The following LRRK2 variants were observed in gnomAD, a reference collection of about 807,000 sequenced individuals.
The protein encoded by LRRK2 is leucine-rich repeat serine/threonine-protein kinase 2.
In LRRK2, 203 loss-of-function variants were observed where a neutral mutation model predicts 302.6. That is an observed-to-expected ratio of 0.67 (90% CI 0.60 to 0.75). The LOEUF is 0.75. Ranked by LOEUF, LRRK2 falls within the 30% of genes least tolerant of loss-of-function variation. The pLI is 0.00. For synonymous variants in LRRK2, 1,066 were observed against 1,031.9 expected, an observed-to-expected ratio of 1.03 and a Z score of -0.63; for missense variants, 2,830 against 2,951.0, an observed-to-expected ratio of 0.96 and a Z score of 0.95.
chr12:40,237,821 A>G, intron 4 of LRRK2, 148 bp from the exon 5 acceptor site: 2 of 758,202 alleles, frequency 2.6e-6, no homozygotes, highest in Non-Finnish European at 4.2e-6. Flanking sequence ...TAAGTAGTTT[A>G]TCAACAAACA....
At chr12:40,243,002 G>A (rs1445945314) in intron 6 of LRRK2, among the ~76,000 whole-genome samples, 1 of 150,644 alleles carries the variant, frequency 6.6e-6, no homozygotes, top group Non-Finnish European at 1.5e-5. Flanking sequence ...ATTAAAATAT[G>A]TTACATTATT....
intron 39 of LRRK2, 21 bp from the exon 40 acceptor site, chr12:40,334,946 C>G: frequency 6.2e-7 from 1 of 1,613,152 alleles, no homozygotes; most frequent in Non-Finnish European, 8.5e-7. Context: ...ATTACTCTTA[C>G]ATGATTTTGG....
chr12:40,245,866 T>C (rs1941956281), intron 7 of LRRK2, among the ~76,000 whole-genome samples: 1 of 152,078 alleles, frequency 6.6e-6, no homozygotes, highest in African/African-American at 2.4e-5. Context: ...GCACTTAAGT[T>C]CTCTACCTAG....
Position 40,274,862 on chromosome 12 carries a change from TGTCTGGGTTTAA to T in LRRK2, c.1815_1826del (p.Gly606_Leu609del). ...TTTTTTTATTTTCCTAGAAATTCAG[TGTCTGGGTTTAA>T]GTCTTATAGGATACTTGATTACAAA... On this transcript the variant is annotated inframe_deletion, in exon 16 of 51. Transcript: ENST00000298910. 1 of 1,610,730 alleles carries T rather than the reference TGTCTGGGTTTAA, an allele frequency of 6.2e-7. No individual in the cohort carries two copies. Among genetic ancestry groups the T allele is most frequent in the Non-Finnish European group, 8.5e-7 (1 of 1,177,192 alleles).
intron 6 of LRRK2, among the ~76,000 whole-genome samples, chr12:40,241,950 C>G (rs1052182553): frequency 6.6e-6 from 1 of 152,156 alleles, no homozygotes; most frequent in African/African-American, 2.4e-5. Context: ...TCACTGCCAA[C>G]AAACTGAATA....
chr12:40,270,602 G>A (rs989336408), intron 14 of LRRK2, among the ~76,000 whole-genome samples: 5 of 152,002 alleles, frequency 3.3e-5, no homozygotes, highest in Non-Finnish European at 5.9e-5. Flanking sequence ...TGTTTTAGTG[G>A]AGAAGTCTGA....
chr12:40,310,184 A>G (rs1463114144), intron 30 of LRRK2, among the ~76,000 whole-genome samples: 1 of 152,152 alleles, frequency 6.6e-6, no homozygotes, highest in African/African-American at 2.4e-5. Flanking sequence ...CACTACCGTT[A>G]TATATGCCAC....
chr12:40,342,045 G>T (rs530165568), intron 41 of LRRK2, among the ~76,000 whole-genome samples: 25 of 152,334 alleles, frequency 1.6e-4, no homozygotes, highest in African/African-American at 6.0e-4. Context: ...AAGGTGGACT[G>T]GACCACTCAG....
chr12:40,284,465 T>A (rs960309143), intron 19 of LRRK2, among the ~76,000 whole-genome samples: 2 of 137,518 alleles, frequency 1.5e-5, no homozygotes, highest in Non-Finnish European at 3.3e-5. Flanking sequence ...AAAAATAACT[T>A]ATTTTATCTC....
In LRRK2 at chr12:40,328,408, A is replaced by G; in HGVS notation, c.5705A>G (p.Glu1902Gly). 6.2e-7 allele frequency: 1 copy of G among 1,613,750 alleles called. No homozygotes were observed. Among genetic ancestry groups the G allele is most frequent in the Non-Finnish European group, 8.5e-7 (1 of 1,179,800 alleles). The change falls in exon 39 of 51, where the codon GAA (glutamate) becomes GGA (glycine). Residue 1902 changes from glutamate (E) to glycine (G), a missense_variant. Coordinates refer to ENST00000298910, the MANE Select transcript of LRRK2 (RefSeq NM_198578.4). ...SVYRAAYEGEEVAVKIFNKHT... is the reference protein window; with the variant it reads ...SVYRAAYEGEGVAVKIFNKHT... Reference sequence around the variant, plus strand: ...TACCGAGCAGCCTATGAAGGAGAAGAAGTGGCTGTGAAGATTTTTAATAAA... The same window carrying G: ...TACCGAGCAGCCTATGAAGGAGAAGGAGTGGCTGTGAAGATTTTTAATAAA...
intron 41 of LRRK2, among the ~76,000 whole-genome samples, chr12:40,340,752 A>G (rs1946014101): frequency 6.6e-6 from 1 of 152,232 alleles, no homozygotes; most frequent in South Asian, 2.1e-4. Context: ...AGGTCATAAA[A>G]AGTAACAGCA....
chr12:40,363,225 T>C (rs1946769342), intron 47 of LRRK2, among the ~76,000 whole-genome samples, 177 bp from the exon 48 acceptor site: 1 of 152,050 alleles, frequency 6.6e-6, no homozygotes, highest in Admixed American at 6.6e-5. Flanking sequence ...TACCAAAGCA[T>C]GTTATATATT....
chr12:40,365,768 A>G (rs1190517432), intron 49 of LRRK2: 1 of 152,014 alleles, frequency 6.6e-6, no homozygotes, highest in Non-Finnish European at 1.5e-5. Flanking sequence ...TGAAGAAAAT[A>G]TATTCATTGC....
At chr12:40,319,786 A>ATT (rs373676201) in intron 33 of LRRK2, among the ~76,000 whole-genome samples, 3 of 31,116 alleles carry the variant, frequency 9.6e-5, no homozygotes, top group Non-Finnish European at 2.1e-4. Flanking sequence ...TAATTTAACA[A>ATT]TTTTTTTTTT....
chr12:40,246,661 G>A (rs1290710330), intron 7 of LRRK2, among the ~76,000 whole-genome samples: 1 of 152,118 alleles, frequency 6.6e-6, no homozygotes, highest in African/African-American at 2.4e-5. Context: ...AATTAAAGAT[G>A]CTCTTTCAGA....
intron 3 of LRRK2, among the ~76,000 whole-genome samples, chr12:40,234,220 C>G (rs1941331252): frequency 6.6e-6 from 1 of 152,086 alleles, no homozygotes; most frequent in African/African-American, 2.4e-5. Flanking sequence ...ATACAAAACT[C>G]TAGATGTGGC....
At chr12:40,340,576 T>C in intron 41 of LRRK2, 122 bp downstream of exon 41, 1 of 1,019,626 alleles carries the variant, frequency 9.8e-7, no homozygotes, top group East Asian at 2.4e-5. Flanking sequence ...GAGGTTTATT[T>C]TGTGAAAAAA....
chr12:40,270,202 A>G (rs1325691269), intron 14 of LRRK2, among the ~76,000 whole-genome samples: 3 of 152,164 alleles, frequency 2.0e-5, no homozygotes, highest in Non-Finnish European at 2.9e-5. Flanking sequence ...ACCCCTGGCT[A>G]TAGAAGATGA....
chr12:40,359,035 AT>A (rs1211540632), intron 46 of LRRK2, among the ~76,000 whole-genome samples: 1 of 148,142 alleles, frequency 6.8e-6, no homozygotes, highest in African/African-American at 2.5e-5. Context: ...TTGTTGTTGT[AT>A]AGATATGCTA....
Sources: gnomAD v4.1 joint callset for allele counts (sites outside exome capture counted in the v4.1 genomes callset) on GRCh38, gnomAD v4.1.1 for gene constraint, MANE v1.5 for transcripts, NCBI Gene and HGNC (gene_info 2026-07-23, HGNC 2026-07-21) for gene names.